SPAG16: variants seen among roughly 807,000 people sequenced by gnomAD.
The protein encoded by SPAG16 is sperm associated antigen 16, also known as sperm-associated antigen 16 protein.
In SPAG16, 86 loss-of-function variants were observed where a neutral mutation model predicts 80.4. That is an observed-to-expected ratio of 1.07 (90% CI 0.90 to 1.28). The LOEUF (loss-of-function observed/expected upper bound fraction) is 1.28. Ranked by LOEUF, SPAG16 falls within the 50% of genes most tolerant of loss-of-function variation. The pLI, the probability that SPAG16 is intolerant of heterozygous loss-of-function variation, is 0.00. For missense variants in SPAG16, 870 were observed against 765.3 expected, an observed-to-expected ratio of 1.14 and a Z score of -1.61; for synonymous variants, 294 against 265.9, an observed-to-expected ratio of 1.11 and a Z score of -1.03.
intron 10 of SPAG16, among the ~76,000 whole-genome samples, chr2:213,630,707 C>G (rs991838980): frequency 2.6e-5 from 4 of 151,968 alleles, no homozygotes; most frequent in African/African-American, 9.7e-5. Context: ...ATATTTTTCC[C>G]CAACTATCAA....
chr2:213,677,293 A>G (rs1451987475), intron 10 of SPAG16, among the ~76,000 whole-genome samples: 2 of 152,162 alleles, frequency 1.3e-5, no homozygotes, highest in Non-Finnish European at 2.9e-5. Flanking sequence ...TAAATGGACT[A>G]AATGCTCCAA....
intron 10 of SPAG16, among the ~76,000 whole-genome samples, chr2:213,645,887 G>C (rs770556178): frequency 7.2e-5 from 11 of 152,208 alleles, no homozygotes; most frequent in Non-Finnish European, 1.0e-4. Flanking sequence ...CAAGAGCGCT[G>C]TAGCCATCTG....
At chr2:213,423,536 G>A (rs1321059863) in intron 9 of SPAG16, among the ~76,000 whole-genome samples, 4 of 152,120 alleles carry the variant, frequency 2.6e-5, no homozygotes, top group Non-Finnish European at 5.9e-5. Flanking sequence ...GTCTTCATTT[G>A]TAAAAGGGGG....
intron 14 of SPAG16, among the ~76,000 whole-genome samples, chr2:214,125,741 A>G (rs1311199925): frequency 6.6e-6 from 1 of 151,764 alleles, no homozygotes; most frequent in Admixed American, 6.7e-5. Context: ...CTTAAGGATC[A>G]TAGCCAAAAG....
intron 11 of SPAG16, among the ~76,000 whole-genome samples, chr2:213,918,180 G>T (rs1451433452): frequency 1.3e-5 from 2 of 152,060 alleles, no homozygotes; most frequent in African/African-American, 4.8e-5. Flanking sequence ...CAATTATTTT[G>T]TTGAGGTTTT....
intron 12 of SPAG16, among the ~76,000 whole-genome samples, chr2:213,969,396 A>G (rs185101296): frequency 7.2e-5 from 11 of 152,280 alleles, no homozygotes; most frequent in Admixed American, 3.3e-4. Context: ...TCCCTCCAAA[A>G]TTCCTGAAAT....
chr2:213,476,609 C>CA (rs1162890297), intron 9 of SPAG16, among the ~76,000 whole-genome samples: 2 of 152,198 alleles, frequency 1.3e-5, no homozygotes, highest in Admixed American at 1.3e-4. Context: ...CACTCTTACT[C>CA]AAACTTTAAT....
At chr2:214,327,521 G>A (rs1696576329) in intron 15 of SPAG16, among the ~76,000 whole-genome samples, 1 of 152,204 alleles carries the variant, frequency 6.6e-6, no homozygotes, top group Non-Finnish European at 1.5e-5. Context: ...AATTTGATCA[G>A]CATTTGTTGA....
At chr2:213,678,944 G>T (rs1207222699) in intron 10 of SPAG16, among the ~76,000 whole-genome samples, 1 of 152,106 alleles carries the variant, frequency 6.6e-6, no homozygotes, top group Non-Finnish European at 1.5e-5. Flanking sequence ...GTCAAGACTT[G>T]TAGGAGGTTT....
chr2:214,215,411 C>T (rs1430894998), intron 15 of SPAG16, among the ~76,000 whole-genome samples: 1 of 152,112 alleles, frequency 6.6e-6, no homozygotes, highest in Non-Finnish European at 1.5e-5. Flanking sequence ...ACCTTTGATT[C>T]CATTTCCCCA....
At chr2:213,498,681 C>A (rs962144653) in intron 10 of SPAG16, among the ~76,000 whole-genome samples, 8 of 152,088 alleles carry the variant, frequency 5.3e-5, no homozygotes, top group Non-Finnish European at 1.2e-4. Context: ...AATACCAGCT[C>A]TCCTTTTTCA....
At position 213,542,213 on chromosome 2, in the gene SPAG16, G is replaced by A. The variant is rs1214138015; in HGVS notation, c.1070+52123G>A. On this transcript the variant is annotated intron_variant, in intron 10 of 15. Coordinates refer to ENST00000331683, the MANE Select transcript of SPAG16 (RefSeq NM_024532.5). The stretch of plus-strand genomic sequence containing the variant: ...CTATTATGTAATTTAAATTAAGTTA[G>A]TGCATATTAAATTCTTTTGAAGATG... Among the ~76,000 whole-genome samples, 10 of 152,220 alleles carry A rather than the reference G, an allele frequency of 6.6e-5. No individual in the cohort carries two copies. The South Asian group carries it at 1.9e-3, about 28-fold the overall frequency.
chr2:214,159,591 T>G (rs542090555), intron 15 of SPAG16, among the ~76,000 whole-genome samples: 4 of 152,106 alleles, frequency 2.6e-5, no homozygotes, highest in Non-Finnish European at 4.4e-5. Flanking sequence ...AACTTGTAGT[T>G]ATATTTATCT....
chr2:214,232,114 A>AT (rs1374775043), intron 15 of SPAG16, among the ~76,000 whole-genome samples: 1 of 151,986 alleles, frequency 6.6e-6, no homozygotes, highest in Non-Finnish European at 1.5e-5. Context: ...ACTAACAGCT[A>AT]TTTTTGTTAC....
At chr2:213,736,034 G>A (rs968169728) in intron 10 of SPAG16, among the ~76,000 whole-genome samples, 8 of 152,064 alleles carry the variant, frequency 5.3e-5, no homozygotes, top group Non-Finnish European at 1.0e-4. Flanking sequence ...ATGTCACTGA[G>A]GTAGAATTTT....
At chr2:214,240,861 A>G (rs1158492214) in intron 15 of SPAG16, 1 of 152,204 alleles carries the variant, frequency 6.6e-6, no homozygotes, top group Non-Finnish European at 1.5e-5. Context: ...GAAAAAGTTC[A>G]TAATCATGAA....
chr2:213,553,136 C>T (rs1047225012), intron 10 of SPAG16, among the ~76,000 whole-genome samples: 1 of 152,172 alleles, frequency 6.6e-6, no homozygotes, highest in African/African-American at 2.4e-5. Flanking sequence ...ATATATACAT[C>T]TATGCTATTA....
At chr2:213,555,942 C>T (rs1413078573) in intron 10 of SPAG16, among the ~76,000 whole-genome samples, 1 of 151,926 alleles carries the variant, frequency 6.6e-6, no homozygotes, top group Non-Finnish European at 1.5e-5. Context: ...ACATCAAAAA[C>T]ATAAAATGGG....
At chr2:213,737,588 C>T (rs1262870602) in intron 10 of SPAG16, among the ~76,000 whole-genome samples, 3 of 151,070 alleles carry the variant, frequency 2.0e-5, no homozygotes, top group Admixed American at 6.6e-5. Flanking sequence ...CCCAGGTTCA[C>T]GCCATTCTCC....
Sources: allele counts gnomAD v4.1 joint callset (sites outside exome capture counted in the v4.1 genomes callset), GRCh38; gene constraint gnomAD v4.1.1; transcripts MANE v1.5; gene names NCBI Gene and HGNC (gene_info 2026-07-23, HGNC 2026-07-21).